Variants in PDZK1 observed in about 807,000 individuals in gnomAD.
PDZK1 encodes Na(+)/H(+) exchange regulatory cofactor NHE-RF3.
PDZK1 carries 23 observed loss-of-function variants against 38.1 expected under a neutral mutation model. That is an observed-to-expected ratio of 0.60 (90% CI 0.43 to 0.85). The LOEUF is 0.85. PDZK1 is among the 40% of genes least tolerant of loss of function. PDZK1 has a pLI of 0.00. For synonymous variants in PDZK1, 98 were observed against 186.2 expected, an observed-to-expected ratio of 0.53 and a Z score of 3.86; for missense variants, 297 against 504.3, an observed-to-expected ratio of 0.59 and a Z score of 3.94.
chr1:145,673,347 T>A (rs1289768214), intron 7 of PDZK1, among the ~76,000 whole-genome samples: 1 of 151,930 alleles, frequency 6.6e-6, no homozygotes, highest in Non-Finnish European at 1.5e-5. Flanking sequence ...GTAAGGGGCA[T>A]TATGCCAAAT....
intron 1 of PDZK1, among the ~76,000 whole-genome samples, chr1:145,689,029 C>T (rs1304432386): frequency 2.0e-5 from 3 of 152,082 alleles, no homozygotes; most frequent in Admixed American, 2.0e-4. Flanking sequence ...GCTGTTCTGG[C>T]CCCTGAAGTC....
chr1:145,692,947 C>T (rs1655344039), intron 1 of PDZK1, among the ~76,000 whole-genome samples: 1 of 151,754 alleles, frequency 6.6e-6, no homozygotes, highest in Admixed American at 6.6e-5. Context: ...GGAGGTGGAG[C>T]TTGCAGTAAG....
intron 3 of PDZK1, among the ~76,000 whole-genome samples, chr1:145,684,207 CTTTTTTTTTT>C (rs1162290584): frequency 8.3e-6 from 1 of 120,094 alleles, no homozygotes; most frequent in Non-Finnish European, 1.7e-5. Context: ...GCATTTTTGG[CTTTTTTTTTT>C]TTTTTTTTTG....
intron 1 of PDZK1, among the ~76,000 whole-genome samples, chr1:145,704,180 A>T (rs1023948021): frequency 6.6e-6 from 1 of 152,124 alleles, no homozygotes; most frequent in Non-Finnish European, 1.5e-5. Context: ...GTATTCTCAC[A>T]CCATCAGGTA....
rs1211858033 is a variant in PDZK1, at chr1:145,673,718, T to G, written c.1154A>C (p.Glu385Ala). The G allele has an allele frequency of 6.2e-7, 1 of 1,611,210 alleles. No homozygotes were observed. Among genetic ancestry groups the G allele is most frequent in the East Asian group, 2.2e-5 (1 of 44,858 alleles). The change falls in exon 7 of 9, where the codon GAA (glutamate) becomes GCA (alanine). Residue 385 changes from glutamate to alanine, a missense_variant. By Grantham distance (107) the Glu-to-Ala change is moderately radical. Coordinates refer to ENST00000417171, the MANE Select transcript of PDZK1 (RefSeq NM_001201325.2). ...KPKLCRLAKGENGYGFHLNAI... is the reference protein window; with the variant it reads ...KPKLCRLAKGANGYGFHLNAI... The stretch of plus-strand genomic sequence containing the variant: ...ATTTAAGTGAAAGCCATAGCCATTT[T>G]CACCTTTAGCCAGCCTGCAGAGTTT...
chr1:145,688,083 A>C, intron 1 of PDZK1, 60 bp from the exon 2 acceptor site: 1 of 1,368,990 alleles, frequency 7.3e-7, no homozygotes, highest in Non-Finnish European at 1.0e-6. Flanking sequence ...TGGAGTGAGA[A>C]CCCCATCCTC....
At chr1:145,698,197 G>A (rs1655749075) in intron 1 of PDZK1, among the ~76,000 whole-genome samples, 1 of 152,130 alleles carries the variant, frequency 6.6e-6, no homozygotes, top group Admixed American at 6.6e-5. Flanking sequence ...AGGTAAATCA[G>A]CGAAGGTGGC....
At chr1:145,680,026 C>T (rs1238899628) in intron 5 of PDZK1, among the ~76,000 whole-genome samples, 1 of 152,092 alleles carries the variant, frequency 6.6e-6, no homozygotes, top group Non-Finnish European at 1.5e-5. Flanking sequence ...TGTTACAAAG[C>T]CTGAACTCAA....
At chr1:145,685,795 C>G (rs762161104) in intron 3 of PDZK1, among the ~76,000 whole-genome samples, 5 of 152,210 alleles carry the variant, frequency 3.3e-5, no homozygotes, top group African/African-American at 7.2e-5. Flanking sequence ...ACAGGTTAGT[C>G]TGCACCTCTG....
intron 1 of PDZK1, among the ~76,000 whole-genome samples, chr1:145,706,296 C>T (rs1311968890): frequency 6.6e-6 from 1 of 152,224 alleles, no homozygotes; most frequent in Non-Finnish European, 1.5e-5. Flanking sequence ...AGCAACTTCA[C>T]ACCCTATGGT....
chr1:145,688,727 G>A (rs1215448327), intron 1 of PDZK1, among the ~76,000 whole-genome samples: 2 of 152,094 alleles, frequency 1.3e-5, no homozygotes, highest in Non-Finnish European at 2.9e-5. Flanking sequence ...TTGGGAGGCC[G>A]AGGCGGGCAG....
chr1:145,671,699 A>G (rs587772381), intron 8 of PDZK1: 1 of 555,182 alleles, frequency 1.8e-6, no homozygotes, highest in East Asian at 3.4e-5. Flanking sequence ...AAGAGCCTGA[A>G]TCAGATGATC....
intron 1 of PDZK1, among the ~76,000 whole-genome samples, chr1:145,703,060 A>T (rs1351742357): frequency 6.6e-6 from 1 of 152,190 alleles, no homozygotes; most frequent in Non-Finnish European, 1.5e-5. Flanking sequence ...AGTACGTGCT[A>T]AGTAAACATT....
chr1:145,688,037 A>C lies in PDZK1; in HGVS notation c.-2-14T>G, dbSNP rs1553702342. 1 of 1,591,684 alleles carries C rather than the reference A, an allele frequency of 6.3e-7. No individual in the cohort carries two copies. The highest frequency in any genetic ancestry group is 8.6e-7 in the Non-Finnish European group (1 of 1,159,954). On this transcript the variant is annotated splice_polypyrimidine_tract_variant and intron_variant, in intron 1 of 8. Coordinates refer to ENST00000417171, the MANE Select transcript of PDZK1 (RefSeq NM_001201325.2). ...TGGAGGTCATTTCTGTGATGAAAAA[A>C]ATAAATTAATAAAACCATGGAAAAG...
chr1:145,692,202 G>A (rs1435117799), intron 1 of PDZK1, among the ~76,000 whole-genome samples: 1 of 152,140 alleles, frequency 6.6e-6, no homozygotes, highest in Admixed American at 6.5e-5. Context: ...ATTTTCCATA[G>A]GAAAGAAATA....
chr1:145,691,969 T>C (rs11576685), intron 1 of PDZK1, among the ~76,000 whole-genome samples: 3,775 of 150,498 alleles, frequency 0.025, 77 homozygotes, highest in Middle Eastern at 0.045. Flanking sequence ...GCCAATGAGA[T>C]TTTTTTTTTC....
chr1:145,692,762 C>G (rs1373171203), intron 1 of PDZK1, among the ~76,000 whole-genome samples: 1 of 147,338 alleles, frequency 6.8e-6, no homozygotes, highest in Non-Finnish European at 1.5e-5. Flanking sequence ...GGACTGGGCG[C>G]AGTGGCTCAC....
intron 1 of PDZK1, among the ~76,000 whole-genome samples, chr1:145,689,936 G>T (rs1029906078): frequency 6.6e-6 from 1 of 152,100 alleles, no homozygotes; most frequent in Non-Finnish European, 1.5e-5. Context: ...TGCAGTCTCC[G>T]CAAAGTCTGA....
intron 7 of PDZK1, 118 bp downstream of exon 7, chr1:145,673,539 A>AC: frequency 6.0e-6 from 4 of 671,312 alleles, no homozygotes; most frequent in Non-Finnish European, 7.9e-6. Flanking sequence ...CCCAAGTGAG[A>AC]CCCCTCAGTG....
Sources: allele counts gnomAD v4.1 joint callset (sites outside exome capture counted in the v4.1 genomes callset), GRCh38; gene constraint gnomAD v4.1.1; transcripts MANE v1.5; gene names NCBI Gene and HGNC (gene_info 2026-07-23, HGNC 2026-07-21).